The following LIN9 variants were observed in gnomAD, a reference collection of about 807,000 sequenced individuals.
LIN9 encodes protein lin-9 homolog.
In LIN9, 18 loss-of-function variants were observed where a neutral mutation model predicts 78.0. The observed-to-expected ratio is 0.23, with a 90% confidence interval of 0.16 to 0.34. LIN9 has a LOEUF of 0.34. Among genes scored for constraint, LIN9 ranks in the 10% least tolerant of loss-of-function variants. LIN9 has a pLI of 1.00. For missense variants in LIN9, 451 were observed against 644.1 expected (o/e 0.70, Z 3.25); for synonymous variants, 192 against 215.2 (o/e 0.89, Z 0.94).
chr1:226,277,219 A>G (rs1363564303), intron 7 of LIN9, among the ~76,000 whole-genome samples: 8 of 150,588 alleles, frequency 5.3e-5, no homozygotes, highest in African/African-American at 1.9e-4. Flanking sequence ...TCAAAAAGAA[A>G]AAAAAAAAAA....
chr1:226,288,750 A>G (rs1239350363), intron 4 of LIN9, among the ~76,000 whole-genome samples: 2 of 126,526 alleles, frequency 1.6e-5, no homozygotes, highest in African/African-American at 2.9e-5. Context: ...AAAAAAATTA[A>G]GTCTACTGTG....
chr1:226,257,680 T>TG (rs1373416409), intron 10 of LIN9, among the ~76,000 whole-genome samples: 1 of 151,568 alleles, frequency 6.6e-6, no homozygotes, highest in African/African-American at 2.4e-5. Context: ...ATAACCTATA[T>TG]GCTAAGAAAG....
intron 1 of LIN9, among the ~76,000 whole-genome samples, chr1:226,304,923 GCA>G (rs1662805651): frequency 6.6e-6 from 1 of 152,120 alleles, no homozygotes; most frequent in Non-Finnish European, 1.5e-5. Flanking sequence ...GCCTGGCCTG[GCA>G]CAGTGGCTCA....
intron 1 of LIN9, among the ~76,000 whole-genome samples, chr1:226,307,635 A>T (rs1235693564): frequency 6.6e-6 from 1 of 152,240 alleles, no homozygotes. Context: ...ACTCCATCTC[A>T]AAATAAATAA....
At chr1:226,260,968 T>C (rs1463993528) in intron 10 of LIN9, among the ~76,000 whole-genome samples, 1 of 151,820 alleles carries the variant, frequency 6.6e-6, no homozygotes, top group Admixed American at 6.6e-5. Context: ...ACCTGAAGTA[T>C]GCAAGGCTGA....
chr1:226,249,665 CAACA>C (rs1658706243), intron 11 of LIN9, among the ~76,000 whole-genome samples: 1 of 152,172 alleles, frequency 6.6e-6, no homozygotes, highest in African/African-American at 2.4e-5. Context: ...CCTGCACTTA[CAACA>C]GACACTGATC....
intron 10 of LIN9, among the ~76,000 whole-genome samples, chr1:226,264,630 G>C (rs1307093158): frequency 6.6e-6 from 1 of 152,134 alleles, no homozygotes. Flanking sequence ...GGGATCACTT[G>C]AAGTTAGGAA....
chr1:226,292,670 AAGCT>A (rs1661869435), intron 4 of LIN9, among the ~76,000 whole-genome samples: 1 of 152,188 alleles, frequency 6.6e-6, no homozygotes, highest in South Asian at 2.1e-4. Context: ...TCTGTTGCCC[AAGCT>A]GGTCTCAAAC....
At chr1:226,290,380 G>A (rs1240665152) in intron 4 of LIN9, among the ~76,000 whole-genome samples, 2 of 141,754 alleles carry the variant, frequency 1.4e-5, no homozygotes, top group Non-Finnish European at 3.0e-5. Flanking sequence ...TCGCTCTGTT[G>A]CCCAGGCTGG....
At position 226,268,004 on chromosome 1, in the gene LIN9, C is replaced by A; in HGVS notation, c.769G>T (p.Asp257Tyr). 1.2e-6 allele frequency: 2 copies of A among 1,614,002 alleles called. No homozygotes were observed. Among genetic ancestry groups the A allele is most frequent in the Non-Finnish European group, 1.7e-6 (2 of 1,179,924 alleles). Residue 257 changes from aspartate to tyrosine, a missense_variant, in exon 8 of 15, where the codon GAT becomes TAT. Coordinates refer to ENST00000681046, the MANE Select transcript of LIN9 (RefSeq NM_001366245.2). ...GTATGGGTTCCAAGCCCTGTCCTATCAAAAGTTACTCTATAAGTAGCATTA... is the reference window on the plus strand; with the variant it reads ...GTATGGGTTCCAAGCCCTGTCCTATAAAAAGTTACTCTATAAGTAGCATTA... ...TLNATYRVTF[D>Y]RTGLGTHTIP...
At chr1:226,246,560 A>T (rs569060095) in intron 11 of LIN9, among the ~76,000 whole-genome samples, 11 of 151,746 alleles carry the variant, frequency 7.2e-5, no homozygotes, top group Non-Finnish European at 1.3e-4. Context: ...AGGCTGGTGG[A>T]TCATGAGGTC....
At chr1:226,245,773 T>C (rs1658439375) in intron 11 of LIN9, among the ~76,000 whole-genome samples, 1 of 152,046 alleles carries the variant, frequency 6.6e-6, no homozygotes, top group Non-Finnish European at 1.5e-5. Flanking sequence ...AATTTTTGTA[T>C]TTTTACTAGA....
intron 4 of LIN9, among the ~76,000 whole-genome samples, chr1:226,290,708 T>C (rs1661725417): frequency 6.6e-6 from 1 of 152,194 alleles, no homozygotes; most frequent in Non-Finnish European, 1.5e-5. Flanking sequence ...TGGAGGCATT[T>C]GGAAAATAGG....
At chr1:226,303,817 G>A (rs1662719882) in intron 1 of LIN9, among the ~76,000 whole-genome samples, 1 of 152,202 alleles carries the variant, frequency 6.6e-6, no homozygotes, top group Admixed American at 6.5e-5. Flanking sequence ...ATGTTGGCCA[G>A]GCTGGTCTCG....
chr1:226,309,229 G>C (rs750176001), upstream of LIN9: 2 of 1,420,266 alleles, frequency 1.4e-6, no homozygotes, highest in Non-Finnish European at 1.9e-6. Context: ...TTCGAATGCG[G>C]AGCTCGCTGC....
intron 7 of LIN9, among the ~76,000 whole-genome samples, chr1:226,275,706 A>G (rs946316602): frequency 3.8e-4 from 55 of 145,580 alleles, no homozygotes; most frequent in Non-Finnish European, 5.5e-4. Context: ...AAAAAAAAAA[A>G]AAAAAAGAAA....
intron 6 of LIN9, among the ~76,000 whole-genome samples, chr1:226,279,110 A>T (rs1479908245): frequency 1.3e-5 from 2 of 151,906 alleles, no homozygotes; most frequent in Non-Finnish European, 2.9e-5. Flanking sequence ...GCAGTGAGCC[A>T]AGATCGTGCC....
chr1:226,273,166 T>C lies in LIN9; in HGVS notation c.682+4609A>G, dbSNP rs189650648. On this transcript the variant is annotated intron_variant, in intron 7 of 14. Transcript: ENST00000681046. ...ACAATAGGATGGCCAGACTTAAGTCTACCACCTTGCTATTTTCTATTTATC... is the reference window on the plus strand; with the variant it reads ...ACAATAGGATGGCCAGACTTAAGTCCACCACCTTGCTATTTTCTATTTATC... 2.1e-4 allele frequency among the ~76,000 whole-genome samples: 32 copies of C among 152,164 alleles called. No individual in the cohort carries two copies. The East Asian group carries it at 5.2e-3, about 25-fold the overall frequency.
upstream of LIN9, chr1:226,309,529 G>A (rs1037969225): frequency 8.5e-7 from 1 of 1,174,242 alleles, no homozygotes; most frequent in African/African-American, 1.7e-5. Context: ...TGTTTGTTCC[G>A]AGTGGAGAAC....
Sources: allele counts gnomAD v4.1 joint callset (sites outside exome capture counted in the v4.1 genomes callset), GRCh38; gene constraint gnomAD v4.1.1; transcripts MANE v1.5; gene names NCBI Gene and HGNC (gene_info 2026-07-23, HGNC 2026-07-21).